Variants in PLEKHM1 observed in about 807,000 individuals in gnomAD.
PLEKHM1 encodes pleckstrin homology and RUN domain containing M1.
Under a neutral mutation model 94.3 loss-of-function variants are expected in PLEKHM1, and 28 were observed. That is an observed-to-expected ratio of 0.30 (90% CI 0.22 to 0.41). The LOEUF is 0.41. Among genes scored for constraint, PLEKHM1 ranks in the 10% least tolerant of loss-of-function variants. PLEKHM1 has a pLI of 1.00. For synonymous variants in PLEKHM1, 424 were observed against 581.2 expected, an observed-to-expected ratio of 0.73 and a Z score of 3.89; for missense variants, 907 against 1,358.6, an observed-to-expected ratio of 0.67 and a Z score of 5.22.
In PLEKHM1 at chr17:45,453,914, T is replaced by C; in HGVS notation, c.1938A>G (p.Glu646=). ...GGCAGCCCTGGGGCGCCTCGGGGGG[T>C]TCCTCAGGCTGGTCTGGGTACTGCA... ...VNVQYPDQPE[E]PPEAPQGCLS... The change falls in exon 7 of 12, where the codon GAA becomes GAG. Residue 646 remains glutamate (E), a synonymous_variant. Transcript: ENST00000430334. The surrounding 1 kb of genome is among the most constrained non-coding windows in gnomAD (Gnocchi z 4.1). 2 of 1,613,216 alleles carry C rather than the reference T, an allele frequency of 1.2e-6. No homozygotes were observed. The highest frequency in any genetic ancestry group is 1.7e-6 in the Non-Finnish European group (2 of 1,179,620).
chr17:45,445,683 T>A lies in PLEKHM1; in HGVS notation c.2644-20A>T. 1.2e-6 allele frequency: 2 copies of A among 1,611,374 alleles called. No homozygotes were observed. The highest frequency in any genetic ancestry group is 1.1e-5 in the South Asian group (1 of 91,032). ...GCAGATCTGGGGGTACCACCAGGCA[T>A]TGGGGATGGGAAGGAATGGCTGTTC... On this transcript the variant is annotated intron_variant, in intron 8 of 11. Transcript: ENST00000430334. This position sits in a 1 kb window ranked among gnomAD's most constrained non-coding sequence, Gnocchi z 4.2.
Position 45,435,913 on chromosome 17 carries a change from C to G in PLEKHM1, c.*1945G>C, listed in dbSNP as rs572449182. 93 of 453,802 alleles carry G rather than the reference C, an allele frequency of 2.0e-4. No homozygotes were observed. Among genetic ancestry groups the G allele is most frequent in the African/African-American group, 1.6e-3 (82 of 50,062 alleles). 28.1% of individuals were successfully genotyped at this position (453,802 alleles called of 1,614,324 possible). The stretch of plus-strand genomic sequence containing the variant: ...AAGCCAGACCAGTGATGAGAAAGAT[C>G]AGGTCTTTACTGCAAAATCATTCAA... On this transcript the variant is annotated 3_prime_UTR_variant, in exon 12 of 12. Transcript: ENST00000430334.
At chr17:45,465,005 G>T (rs1330955452) in intron 5 of PLEKHM1, among the ~76,000 whole-genome samples, 3 of 152,056 alleles carry the variant, frequency 2.0e-5, no homozygotes, top group Non-Finnish European at 4.4e-5. Flanking sequence ...CCAGGTACTT[G>T]CTGGAGATAC....
chr17:45,437,601 C>T lies in PLEKHM1; in HGVS notation c.*257G>A, dbSNP rs1017247449. 3 of 659,368 alleles carry T rather than the reference C, an allele frequency of 4.5e-6. No individual in the cohort carries two copies. The African/African-American group carries it at 5.3e-5, about 12-fold the overall frequency. The allele number at this position is 659,368 out of a possible 1,614,324, so 40.8% of individuals were successfully genotyped here. On this transcript the variant is annotated 3_prime_UTR_variant, in exon 12 of 12. Coordinates refer to ENST00000430334, the MANE Select transcript of PLEKHM1 (RefSeq NM_014798.3). This position sits in a 1 kb window ranked among gnomAD's most constrained non-coding sequence, Gnocchi z 4.0. ...GAGCCAGGGCCTGGTGAGTAAACGG[C>T]CCTGCCTGCCCCAGACAGGGAGCAT... is the stretch of plus-strand genomic sequence containing the variant.
intron 5 of PLEKHM1, among the ~76,000 whole-genome samples, chr17:45,462,003 G>A (rs1176427254): frequency 6.6e-6 from 1 of 152,288 alleles, no homozygotes. Context: ...AGTGGGACCA[G>A]CCCCACTGTT....
chr17:45,456,602 C>T (rs1044799048), intron 6 of PLEKHM1, among the ~76,000 whole-genome samples: 3 of 152,222 alleles, frequency 2.0e-5, no homozygotes, highest in Non-Finnish European at 4.4e-5. Flanking sequence ...ACAGCCATCA[C>T]ACGGGCCAAC....
At chr17:45,441,682 C>T (rs770149298) in intron 9 of PLEKHM1, among the ~76,000 whole-genome samples, 82 of 152,286 alleles carry the variant, frequency 5.4e-4, no homozygotes, top group Non-Finnish European at 8.1e-4. Flanking sequence ...TCAGTCAAGG[C>T]CAGAGGGGAG....
chr17:45,484,117 C>A (rs548764347), intron 1 of PLEKHM1, among the ~76,000 whole-genome samples: 2 of 152,364 alleles, frequency 1.3e-5, no homozygotes, highest in South Asian at 4.1e-4. Context: ...AAGATACCAA[C>A]TCCAACCTGA....
intron 1 of PLEKHM1, among the ~76,000 whole-genome samples, chr17:45,483,551 G>A (rs1250607716): frequency 1.3e-5 from 2 of 152,052 alleles, no homozygotes; most frequent in Non-Finnish European, 2.9e-5. Flanking sequence ...ACATTCACAC[G>A]TAAACAAATC....
At chr17:45,451,352 G>T (rs2050769377) in intron 7 of PLEKHM1, among the ~76,000 whole-genome samples, 1 of 152,208 alleles carries the variant, frequency 6.6e-6, no homozygotes, top group African/African-American at 2.4e-5. Context: ...CCCCTTGGTT[G>T]GAGGTGTCTC....
chr17:45,482,922 G>T lies in PLEKHM1; in HGVS notation c.-41-397C>A, dbSNP rs67191223. On this transcript the variant is annotated intron_variant, in intron 1 of 11. Coordinates refer to ENST00000430334, the MANE Select transcript of PLEKHM1 (RefSeq NM_014798.3). Reference sequence around the variant, plus strand: ...AGCTGAAGGTGGCAGGAACCCAATGGGACCAGGAAGCAGGGGCTCACAGGC... The same window carrying T: ...AGCTGAAGGTGGCAGGAACCCAATGTGACCAGGAAGCAGGGGCTCACAGGC... Among the ~76,000 whole-genome samples the T allele has an allele frequency of 4.7e-3, 719 of 151,784 alleles. 6 individuals are homozygous for T. The highest frequency in any genetic ancestry group is 0.017 in the African/African-American group (683 of 41,222).
chr17:45,466,370 A>T (rs2051320593), intron 5 of PLEKHM1, among the ~76,000 whole-genome samples: 3 of 152,204 alleles, frequency 2.0e-5, no homozygotes, highest in African/African-American at 7.2e-5. Flanking sequence ...GACAAAAACC[A>T]AGCAAACCAT....
At position 45,436,493 on chromosome 17, in the gene PLEKHM1, A is replaced by G. The variant is rs1183020783; in HGVS notation, c.*1365T>C. On this transcript the variant is annotated 3_prime_UTR_variant, in exon 12 of 12. Transcript: ENST00000430334. ...GGGTGGGCTCATCTCTGACAGTGAC[A>G]TGCGGCTCTCCACCTGAGGCCTGAC... is the stretch of plus-strand genomic sequence containing the variant. 2 of 453,608 alleles carry G rather than the reference A, an allele frequency of 4.4e-6. No homozygotes were observed. Among genetic ancestry groups the G allele is most frequent in the East Asian group, 7.0e-5 (1 of 14,382 alleles). 28.1% of individuals were successfully genotyped at this position (453,608 alleles called of 1,614,324 possible).
chr17:45,441,982 G>T (rs1010902321), intron 9 of PLEKHM1, among the ~76,000 whole-genome samples: 1 of 152,148 alleles, frequency 6.6e-6, no homozygotes, highest in Admixed American at 6.5e-5. Context: ...AGATCCGGGG[G>T]ACATGGGTGG....
At chr17:45,439,741 C>A (rs1177277162) in intron 10 of PLEKHM1, 107 bp from the exon 11 acceptor site, 19 of 1,446,872 alleles carry the variant, frequency 1.3e-5, no homozygotes, top group Non-Finnish European at 1.6e-5. Context: ...GGTGCCATGG[C>A]ACCCTGCCTG....
chr17:45,459,242 A>G (rs923777753), intron 5 of PLEKHM1: 1 of 152,174 alleles, frequency 6.6e-6, no homozygotes, highest in African/African-American at 2.4e-5. Context: ...CTCACCCAAA[A>G]AGGAAACCCC....
intron 2 of PLEKHM1, among the ~76,000 whole-genome samples, chr17:45,479,805 C>A (rs1190526275): frequency 6.6e-6 from 1 of 152,172 alleles, no homozygotes; most frequent in African/African-American, 2.4e-5. Flanking sequence ...CTGTGCCTGG[C>A]ACATAGAAAT....
At chr17:45,458,672 T>C (rs2051053747) in intron 5 of PLEKHM1, among the ~76,000 whole-genome samples, 1 of 151,992 alleles carries the variant, frequency 6.6e-6, no homozygotes, top group African/African-American at 2.4e-5. Flanking sequence ...GGTTTCACCA[T>C]GTTGGCCAGG....
chr17:45,467,925 A>G (rs1312355031), intron 5 of PLEKHM1, among the ~76,000 whole-genome samples: 1 of 152,250 alleles, frequency 6.6e-6, no homozygotes, highest in Non-Finnish European at 1.5e-5. Context: ...AACAACCTTC[A>G]CAAAGTGACG....
Sources: allele counts gnomAD v4.1 joint callset (sites outside exome capture counted in the v4.1 genomes callset), GRCh38; gene constraint gnomAD v4.1.1; non-coding constraint Gnocchi (gnomAD v3.1); transcripts MANE v1.5; gene names NCBI Gene and HGNC (gene_info 2026-07-23, HGNC 2026-07-21).